ZNF33B: variants seen among roughly 807,000 people sequenced by gnomAD.
ZNF33B encodes the protein zinc finger protein 33B, also known as zinc finger protein 11b (KOX 2).
A neutral mutation model predicts 45.8 loss-of-function variants in ZNF33B; 29 were observed. That is an observed-to-expected ratio of 0.63 (90% CI 0.47 to 0.86). The LOEUF (loss-of-function observed/expected upper bound fraction) is 0.86. ZNF33B is among the 40% of genes least tolerant of loss of function. The probability of loss-of-function intolerance (pLI) is 0.00; values close to 1 mark genes in which losing one functional copy is unlikely to be tolerated. For synonymous variants in ZNF33B, 305 were observed against 307.8 expected (o/e 0.99, Z 0.10); for missense variants, 831 against 909.9 (o/e 0.91, Z 1.12).
chr10:42,626,163 T>A (rs1012355931), intron 4 of ZNF33B, among the ~76,000 whole-genome samples: 34 of 152,224 alleles, frequency 2.2e-4, no homozygotes, highest in African/African-American at 7.7e-4. Context: ...TAGCCTATGG[T>A]GGGTTAATTA....
At chr10:42,577,858 C>A (rs1197231315) in intron 1 of ZNF33B, among the ~76,000 whole-genome samples, 2 of 152,180 alleles carry the variant, frequency 1.3e-5, no homozygotes, top group Admixed American at 6.5e-5. Context: ...GAATTGTGCA[C>A]CCTGTTCCCA....
intron 4 of ZNF33B, among the ~76,000 whole-genome samples, chr10:42,608,081 C>T (rs753920899): frequency 1.3e-5 from 2 of 151,872 alleles, no homozygotes; most frequent in East Asian, 1.9e-4. Context: ...CACTTTAACA[C>T]AAAAATTTTA....
intron 1 of ZNF33B, 63 bp downstream of exon 1, chr10:42,638,411 C>A: frequency 8.6e-6 from 3 of 347,170 alleles, no homozygotes; most frequent in Non-Finnish European, 1.1e-5. Flanking sequence ...TGGCCCCCGG[C>A]TGCCTGCTCC....
intron 2 of ZNF33B, among the ~76,000 whole-genome samples, chr10:42,634,028 G>C (rs1210784852): frequency 6.6e-6 from 1 of 151,396 alleles, no homozygotes; most frequent in Non-Finnish European, 1.5e-5. Flanking sequence ...GGACTACAGA[G>C]ACATTTATAA....
chr10:42,596,100 GTA>G (rs1837389151), intron 4 of ZNF33B, among the ~76,000 whole-genome samples: 2 of 151,564 alleles, frequency 1.3e-5, no homozygotes, highest in South Asian at 4.2e-4. Context: ...TTATAATATA[GTA>G]TATATGTTAT....
chr10:42,580,214 G>A (rs1316024858), intron 1 of ZNF33B, among the ~76,000 whole-genome samples: 3 of 152,014 alleles, frequency 2.0e-5, no homozygotes, highest in Admixed American at 6.6e-5. Flanking sequence ...ATAAAGTCCC[G>A]TTTCTCATCC....
intron 4 of ZNF33B, among the ~76,000 whole-genome samples, chr10:42,598,709 CT>C (rs2132055156): frequency 6.6e-6 from 1 of 152,324 alleles, no homozygotes; most frequent in East Asian, 1.9e-4. Flanking sequence ...ACACTGACTG[CT>C]TTTCAAATGT....
chr10:42,621,159 C>CA lies in ZNF33B; in HGVS notation c.250+10769dup, dbSNP rs34634412. On this transcript the variant is annotated intron_variant, in intron 4 of 4. Coordinates refer to ENST00000359467, the MANE Select transcript of ZNF33B (RefSeq NM_006955.3). ...CAACATAGTGAGACCCTGTTTCCAC[C>CA]AAAAAAAAAAAAAAAAAAGATAGCT... Among the ~76,000 whole-genome samples the CA allele has an allele frequency of 8.2e-3, 1,041 of 126,732 alleles. 13 individuals are homozygous for CA. The highest frequency in any genetic ancestry group is 0.024 in the African/African-American group (799 of 33,154). 83.1% of individuals were successfully genotyped at this position (126,732 alleles called of 152,430 possible).
At chr10:42,614,405 T>A (rs1261265108) in intron 4 of ZNF33B, 2 of 152,822 alleles carry the variant, frequency 1.3e-5, no homozygotes, top group Non-Finnish European at 2.9e-5. Context: ...CTGGAAGGGA[T>A]CCTGGAACAA....
At chr10:42,612,575 T>C (rs138541072) in intron 4 of ZNF33B, among the ~76,000 whole-genome samples, 2 of 152,296 alleles carry the variant, frequency 1.3e-5, no homozygotes, top group East Asian at 3.9e-4. Flanking sequence ...CCTTGAGTGG[T>C]CATGGCATCT....
At chr10:42,615,394 C>G (rs1344261476) in intron 4 of ZNF33B, among the ~76,000 whole-genome samples, 1 of 152,040 alleles carries the variant, frequency 6.6e-6, no homozygotes, top group East Asian at 1.9e-4. Flanking sequence ...TAATAAAAAA[C>G]AAGTGAAATA....
chr10:42,623,482 G>A (rs1374968949), intron 4 of ZNF33B, among the ~76,000 whole-genome samples: 2 of 152,166 alleles, frequency 1.3e-5, no homozygotes, highest in African/African-American at 2.4e-5. Context: ...ATCAACAGAT[G>A]AATGGATTAA....
At chr10:42,595,486 CTTA>C (rs1207637039) in intron 4 of ZNF33B, among the ~76,000 whole-genome samples, 35 of 149,316 alleles carry the variant, frequency 2.3e-4, no homozygotes, top group Non-Finnish European at 2.9e-5. Flanking sequence ...AAAGACATTC[CTTA>C]TTAAGGAATC....
intron 4 of ZNF33B, among the ~76,000 whole-genome samples, chr10:42,612,389 A>G (rs565444888): frequency 1.3e-5 from 2 of 152,082 alleles, no homozygotes; most frequent in South Asian, 2.1e-4. Flanking sequence ...GGCGTGCTTC[A>G]CCACGCCCAG....
At chr10:42,630,320 T>C (rs1417947595) in intron 4 of ZNF33B, among the ~76,000 whole-genome samples, 1 of 152,178 alleles carries the variant, frequency 6.6e-6, no homozygotes, top group African/African-American at 2.4e-5. Flanking sequence ...GCCACCACAG[T>C]TTCAGAAGAG....
At chr10:42,635,113 T>G (rs1299276277) in intron 2 of ZNF33B, among the ~76,000 whole-genome samples, 1 of 152,078 alleles carries the variant, frequency 6.6e-6, no homozygotes, top group East Asian at 1.9e-4. Flanking sequence ...TGATGGCATG[T>G]GCCTGTAATT....
Position 42,593,433 on chromosome 10 carries a change from A to C in ZNF33B, c.1517T>G (p.Phe506Cys), listed in dbSNP as rs147420856. The C allele has an allele frequency of 3.1e-5, 50 of 1,613,954 alleles. No individual in the cohort carries two copies. The highest frequency in any genetic ancestry group is 4.1e-5 in the Non-Finnish European group (48 of 1,179,998). The change falls in exon 5 of 5, where the codon TTC becomes TGC. Residue 506 changes from phenylalanine (F) to cysteine (C), a missense_variant. Transcript: ENST00000359467. ...PYECNACGKT[F>C]YHKSVLTRHQ... Reference sequence around the variant, plus strand: ...CCTGGTGAGTACTGACTTGTGGTAGAAAGTTTTCCCACATGCATTACATTC... The same window carrying C: ...CCTGGTGAGTACTGACTTGTGGTAGCAAGTTTTCCCACATGCATTACATTC...
At chr10:42,621,385 T>C (rs1458112303) in intron 4 of ZNF33B, among the ~76,000 whole-genome samples, 1 of 151,602 alleles carries the variant, frequency 6.6e-6, no homozygotes, top group Non-Finnish European at 1.5e-5. Context: ...TGCGTATGAA[T>C]ACAGATACAA....
At chr10:42,624,365 T>A (rs1838711567) in intron 4 of ZNF33B, among the ~76,000 whole-genome samples, 3 of 152,214 alleles carry the variant, frequency 2.0e-5, no homozygotes, top group African/African-American at 7.2e-5. Context: ...GTGTATGTTC[T>A]ATCAATGTGT....
Sources: gnomAD v4.1 joint callset for allele counts (sites outside exome capture counted in the v4.1 genomes callset) on GRCh38, gnomAD v4.1.1 for gene constraint, MANE v1.5 for transcripts, NCBI Gene and HGNC (gene_info 2026-07-23, HGNC 2026-07-21) for gene names.